The following ART3 variants were observed in gnomAD, a reference collection of about 807,000 sequenced individuals.
ART3 encodes ecto-ADP-ribosyltransferase 3.
A neutral mutation model predicts 48.5 loss-of-function variants in ART3; 49 were observed. The observed-to-expected ratio is 1.01, with a 90% CI of 0.80 to 1.28. The LOEUF (loss-of-function observed/expected upper bound fraction) is 1.28. Ranked by LOEUF, ART3 falls within the 50% of genes most tolerant of loss-of-function variation. The pLI is 0.00. For missense variants in ART3, 438 were observed against 454.3 expected (o/e 0.96, Z 0.33); for synonymous variants, 145 against 157.2 (o/e 0.92, Z 0.58).
At chr4:76,011,952 G>A (rs1272015291) in intron 1 of ART3, 1 of 152,220 alleles carries the variant, frequency 6.6e-6, no homozygotes, top group Non-Finnish European at 1.5e-5. Context: ...CCTGATGAGA[G>A]GATGTTGCAG....
intron 3 of ART3, among the ~76,000 whole-genome samples, chr4:76,088,189 T>C (rs17001364): frequency 0.11 from 17,345 of 152,040 alleles, 1,343 homozygotes; most frequent in East Asian, 0.37. Context: ...ATACTAGGTT[T>C]ATAGGAAGAA....
chr4:76,035,015 G>C, intron 1 of ART3: 1 of 1,567,514 alleles, frequency 6.4e-7, no homozygotes, highest in Non-Finnish European at 8.8e-7. Context: ...GGATAAAACA[G>C]ATTATAACAT....
At chr4:76,045,319 G>T (rs974744768) in intron 1 of ART3, among the ~76,000 whole-genome samples, 1 of 151,990 alleles carries the variant, frequency 6.6e-6, no homozygotes, top group Non-Finnish European at 1.5e-5. Context: ...GGCCACGCAC[G>T]TGCATATTTT....
intron 1 of ART3, chr4:76,022,021 G>T: frequency 1.5e-6 from 2 of 1,338,622 alleles, no homozygotes; most frequent in Non-Finnish European, 2.1e-6. Context: ...TGTTTGGAAA[G>T]TACCGAGTTC....
intron 1 of ART3, among the ~76,000 whole-genome samples, chr4:76,057,148 G>C (rs1476447876): frequency 2.6e-5 from 4 of 152,048 alleles, no homozygotes; most frequent in Non-Finnish European, 4.4e-5. Flanking sequence ...TGTTGTATCA[G>C]GGTTCATAAT....
At chr4:76,025,215 A>G (rs1361199941) in intron 1 of ART3, among the ~76,000 whole-genome samples, 1 of 152,190 alleles carries the variant, frequency 6.6e-6, no homozygotes, top group Non-Finnish European at 1.5e-5. Flanking sequence ...GGATCCTTCC[A>G]TACCTATTTG....
chr4:76,066,073 T>C (rs956863157), intron 1 of ART3, among the ~76,000 whole-genome samples: 2 of 152,228 alleles, frequency 1.3e-5, no homozygotes, highest in African/African-American at 4.8e-5. Context: ...TTCAGACTCC[T>C]GTGGCTCCTC....
chr4:76,099,081 C>A, intron 5 of ART3, 94 bp downstream of exon 5: 1 of 1,135,972 alleles, frequency 8.8e-7, no homozygotes. Flanking sequence ...GTGAGTGGAT[C>A]ACTTGAGCCC....
chr4:76,077,139 G>A (rs1392767338), intron 2 of ART3, among the ~76,000 whole-genome samples: 1 of 151,900 alleles, frequency 6.6e-6, no homozygotes, highest in Non-Finnish European at 1.5e-5. Flanking sequence ...AAACATTTCC[G>A]TCAACCCAAA....
intron 1 of ART3, among the ~76,000 whole-genome samples, chr4:76,065,645 G>A (rs997834510): frequency 6.6e-6 from 1 of 151,274 alleles, no homozygotes; most frequent in Non-Finnish European, 1.5e-5. Flanking sequence ...ACTGAAATAG[G>A]GGGAAAGAAA....
chr4:76,025,079 G>A (rs1162569973), intron 1 of ART3, among the ~76,000 whole-genome samples: 1 of 152,168 alleles, frequency 6.6e-6, no homozygotes, highest in East Asian at 1.9e-4. Flanking sequence ...AATTAGCTGT[G>A]GGAAACCGGA....
intron 1 of ART3, chr4:76,058,480 A>G (rs1269156807): frequency 6.6e-6 from 1 of 152,190 alleles, no homozygotes; most frequent in Non-Finnish European, 1.5e-5. Flanking sequence ...TAGAGAGTTG[A>G]TTAAATGCAT....
intron 1 of ART3, among the ~76,000 whole-genome samples, chr4:76,047,143 T>C: frequency 6.6e-6 from 1 of 151,942 alleles, no homozygotes; most frequent in East Asian, 1.9e-4. Context: ...GCAGCTTGTT[T>C]CTCATTGGAC....
At chr4:76,052,383 T>G (rs1736195592) in intron 1 of ART3, among the ~76,000 whole-genome samples, 1 of 152,182 alleles carries the variant, frequency 6.6e-6, no homozygotes, top group African/African-American at 2.4e-5. Context: ...AGGGCCAGTT[T>G]TCAGTGACTA....
chr4:76,024,529 T>C (rs572201286), intron 1 of ART3, among the ~76,000 whole-genome samples: 2 of 152,342 alleles, frequency 1.3e-5, no homozygotes, highest in African/African-American at 4.8e-5. Flanking sequence ...TGACTGATTA[T>C]TCATAGTAGC....
chr4:76,032,876 G>A (rs911629709), intron 1 of ART3, among the ~76,000 whole-genome samples: 7 of 151,864 alleles, frequency 4.6e-5, no homozygotes, highest in Non-Finnish European at 7.4e-5. Flanking sequence ...GTGAGCCATC[G>A]CACCCAGCCA....
At chr4:76,107,582 G>T (rs1353272847) in intron 10 of ART3, 179 bp from the exon 11 acceptor site, 1 of 417,360 alleles carries the variant, frequency 2.4e-6, no homozygotes, top group Non-Finnish European at 4.4e-6. Context: ...AATTCAAAGA[G>T]CACAGATGAG....
chr4:76,083,328 C>T (rs1446289708), intron 3 of ART3, among the ~76,000 whole-genome samples: 1 of 152,200 alleles, frequency 6.6e-6, no homozygotes, highest in South Asian at 2.1e-4. Context: ...AAGTAAATAA[C>T]ATGCTTCAAC....
At chr4:76,081,780 T>G in intron 2 of ART3, 44 bp from the exon 3 acceptor site, 1 of 1,551,854 alleles carries the variant, frequency 6.4e-7, no homozygotes, top group Non-Finnish European at 8.8e-7. Flanking sequence ...TGATATTCAC[T>G]GAATTTCTTA....
Sources: gnomAD v4.1 joint callset for allele counts (sites outside exome capture counted in the v4.1 genomes callset) on GRCh38, gnomAD v4.1.1 for gene constraint, MANE v1.5 for transcripts, NCBI Gene and HGNC (gene_info 2026-07-23, HGNC 2026-07-21) for gene names.